Variants in CXADR observed in about 807,000 individuals in gnomAD.
CXADR encodes CXADR cell adhesion molecule.
CXADR carries 20 observed loss-of-function variants against 40.3 expected under a neutral mutation model. The observed-to-expected ratio is 0.50, with a 90% CI of 0.35 to 0.72. The LOEUF is 0.72. Ranked by LOEUF, CXADR falls within the 30% of genes least tolerant of loss-of-function variation. CXADR has a pLI of 0.01. For missense variants in CXADR, 332 were observed against 449.1 expected (o/e 0.74, Z 2.36); for synonymous variants, 150 against 161.3 (o/e 0.93, Z 0.53).
the CXADR span, among the ~76,000 whole-genome samples, chr21:17,616,452 C>T: frequency 6.6e-6 from 1 of 150,842 alleles, no homozygotes; most frequent in Non-Finnish European, 1.5e-5. Context: ...TCTCCTGCCT[C>T]AGCCTCCTGA....
the CXADR span, among the ~76,000 whole-genome samples, chr21:17,606,692 A>T: frequency 1.3e-5 from 2 of 151,902 alleles, no homozygotes; most frequent in Non-Finnish European, 2.9e-5. Context: ...ATTTTTTTTC[A>T]CTCTACATAC....
chr21:17,618,795 A>G, the CXADR span, among the ~76,000 whole-genome samples: 1 of 152,122 alleles, frequency 6.6e-6, no homozygotes. Context: ...TTGGCCTCAC[A>G]AAGTGCTAGG....
intron 4 of CXADR, among the ~76,000 whole-genome samples, chr21:17,559,979 T>G (rs1451100390): frequency 6.6e-6 from 1 of 152,126 alleles, no homozygotes. Flanking sequence ...GAATTTTTTT[T>G]TTTTAATTGA....
At chr21:17,609,643 T>C in the CXADR span, among the ~76,000 whole-genome samples, 1 of 152,256 alleles carries the variant, frequency 6.6e-6, no homozygotes. Flanking sequence ...AGTTATCATA[T>C]GACACGGCCA....
rs1297795833 is a variant in CXADR at position 17,566,691 on chromosome 21, A to G, written c.*999A>G. On this transcript the variant is annotated 3_prime_UTR_variant, in exon 7 of 7. Coordinates refer to ENST00000284878, the MANE Select transcript of CXADR (RefSeq NM_001338.5). ...TGTTGTTGTTTTTGGATGGTGTTAC[A>G]TATTATATGTTCTAGAAACATGTAA... 7.1e-6 allele frequency: 7 copies of G among 982,026 alleles called. No individual in the cohort carries two copies. The South Asian group carries it at 1.9e-4, about 26-fold the overall frequency. The allele number at this position is 982,026 out of a possible 1,614,324, so 60.8% of individuals were successfully genotyped here. A position where few individuals can be genotyped will look rare whatever the true frequency, so the allele number is the denominator to read the frequency against.
intron 7 of CXADR, among the ~76,000 whole-genome samples, chr21:17,587,394 G>T (rs567388014): frequency 6.6e-6 from 1 of 152,242 alleles, no homozygotes; most frequent in Non-Finnish European, 1.5e-5. Context: ...ATCCTCTCCA[G>T]CACCTGTTGT....
intron 1 of CXADR, chr21:17,519,028 A>G (rs1481681799): frequency 6.1e-6 from 9 of 1,481,934 alleles, no homozygotes; most frequent in South Asian, 4.6e-5. Context: ...AGGGTCCTCC[A>G]GCACCAGCAC....
intron 1 of CXADR, among the ~76,000 whole-genome samples, chr21:17,535,534 G>A (rs868117239): frequency 1.2e-4 from 18 of 151,922 alleles, no homozygotes; most frequent in African/African-American, 3.4e-4. Context: ...TCTATGATTC[G>A]AATTCAGCAT....
intron 1 of CXADR, among the ~76,000 whole-genome samples, chr21:17,517,002 A>T (rs2060470259): frequency 1.3e-5 from 2 of 152,130 alleles, no homozygotes; most frequent in African/African-American, 4.8e-5. Context: ...AGGTGTTTGG[A>T]TGAAAAAAAA....
At chr21:17,600,474 C>G in the CXADR span, among the ~76,000 whole-genome samples, 2 of 152,116 alleles carry the variant, frequency 1.3e-5, no homozygotes, top group Non-Finnish European at 2.9e-5. Context: ...ATTTCTGAAT[C>G]AGAATGGTTA....
intron 1 of CXADR, among the ~76,000 whole-genome samples, chr21:17,545,072 GTTTTTTTTTTTT>G (rs869189508): frequency 1.8e-5 from 1 of 55,424 alleles, no homozygotes; most frequent in East Asian, 5.1e-4. Flanking sequence ...GCTCTAATGT[GTTTTTTTTTTTT>G]TTTTTTTTTT....
the CXADR span, chr21:17,598,788 G>A: frequency 4.3e-6 from 7 of 1,614,022 alleles, no homozygotes; most frequent in Admixed American, 1.7e-5. Flanking sequence ...TATTTTCAAA[G>A]CTGGCAACAA....
chr21:17,606,097 A>G, the CXADR span, among the ~76,000 whole-genome samples: 961 of 152,146 alleles, frequency 6.3e-3, 55 homozygotes, highest in East Asian at 0.13. Context: ...ACATAATAAT[A>G]TTAACAATAA....
chr21:17,580,102 A>G (rs772539538), intron 7 of CXADR, among the ~76,000 whole-genome samples: 5 of 152,166 alleles, frequency 3.3e-5, no homozygotes, highest in Non-Finnish European at 5.9e-5. Context: ...GATTATAGGC[A>G]TGAGCCACCA....
intron 3 of CXADR, among the ~76,000 whole-genome samples, chr21:17,553,353 T>G (rs2060993761): frequency 6.6e-6 from 1 of 152,196 alleles, no homozygotes; most frequent in Non-Finnish European, 1.5e-5. Flanking sequence ...ATTCATGCAT[T>G]GTCTTGGTAG....
the CXADR span, among the ~76,000 whole-genome samples, chr21:17,624,539 C>T: frequency 1.3e-5 from 2 of 152,208 alleles, no homozygotes; most frequent in African/African-American, 2.4e-5. Flanking sequence ...TCTGATTTTT[C>T]CCTTCTGCTG....
At chr21:17,615,053 G>A in the CXADR span, among the ~76,000 whole-genome samples, 1 of 152,154 alleles carries the variant, frequency 6.6e-6, no homozygotes, top group Non-Finnish European at 1.5e-5. Context: ...GTATGTTGGA[G>A]ACTAAATCCC....
intron 1 of CXADR, among the ~76,000 whole-genome samples, chr21:17,514,282 A>G (rs1030171923): frequency 6.6e-6 from 1 of 152,036 alleles, no homozygotes; most frequent in African/African-American, 2.4e-5. Context: ...TCCTGTTGAA[A>G]TGTTAATTCC....
chr21:17,523,467 A>G (rs2060556473), intron 1 of CXADR, among the ~76,000 whole-genome samples: 1 of 152,112 alleles, frequency 6.6e-6, no homozygotes, highest in Non-Finnish European at 1.5e-5. Flanking sequence ...AGTGGAGTTT[A>G]TATCACCACT....
Sources: allele counts gnomAD v4.1 joint callset (sites outside exome capture counted in the v4.1 genomes callset), GRCh38; gene constraint gnomAD v4.1.1; transcripts MANE v1.5; gene names NCBI Gene and HGNC (gene_info 2026-07-23, HGNC 2026-07-21).